The following PDE7B variants were observed in gnomAD, a reference collection of about 807,000 sequenced individuals.
PDE7B encodes 3',5'-cyclic-AMP phosphodiesterase 7B.
PDE7B carries 29 observed loss-of-function variants against 56.2 expected under a neutral mutation model. The ratio of observed to expected loss-of-function variants is 0.52; its 90% CI spans 0.38 to 0.70. The LOEUF (loss-of-function observed/expected upper bound fraction) is 0.70. Ranked by LOEUF, PDE7B falls within the 30% of genes least tolerant of loss-of-function variation. The pLI, the probability that PDE7B is intolerant of heterozygous loss-of-function variation, is 0.00. For synonymous variants in PDE7B, 197 were observed against 196.9 expected, an observed-to-expected ratio of 1.00 and a Z score of 0.00; for missense variants, 490 against 565.0, an observed-to-expected ratio of 0.87 and a Z score of 1.35.
intron 2 of PDE7B, among the ~76,000 whole-genome samples, chr6:135,952,038 C>A (rs1486054258): frequency 6.6e-6 from 1 of 152,144 alleles, no homozygotes; most frequent in Non-Finnish European, 1.5e-5. Context: ...GAAGTTGCTT[C>A]ATCTCTCTAG....
chr6:135,930,297 A>T (rs533650102), intron 1 of PDE7B, among the ~76,000 whole-genome samples: 1 of 152,132 alleles, frequency 6.6e-6, no homozygotes. Context: ...TGATTCAGTT[A>T]TCTCCCACTG....
chr6:135,859,517 T>A (rs747488125), intron 1 of PDE7B, among the ~76,000 whole-genome samples: 4 of 152,114 alleles, frequency 2.6e-5, no homozygotes, highest in Admixed American at 6.5e-5. Flanking sequence ...CAGTTTGGAA[T>A]GACAAAGACT....
In PDE7B at chr6:136,183,464, C is replaced by T. The variant is rs948911525; in HGVS notation, c.1045+2141C>T. ...AAAAAAAATTAGCCGGGCATGGTGG[C>T]GGGCACCTGTAGTCCCAGTTACTTG... On this transcript the variant is annotated intron_variant, in intron 11 of 12. Coordinates refer to ENST00000308191, the MANE Select transcript of PDE7B (RefSeq NM_018945.4). Among the ~76,000 whole-genome samples, 11 of 151,518 alleles carry T rather than the reference C, an allele frequency of 7.3e-5. No individual in the cohort carries two copies. In the East Asian group the frequency reaches 1.6e-3, roughly 22 times the overall value.
At chr6:136,011,627 G>A (rs1775896705) in intron 2 of PDE7B, among the ~76,000 whole-genome samples, 1 of 152,090 alleles carries the variant, frequency 6.6e-6, no homozygotes, top group African/African-American at 2.4e-5. Flanking sequence ...CTAACCAGAG[G>A]TTTAATGTGG....
At chr6:135,911,842 TATA>T (rs1192502513) in intron 1 of PDE7B, among the ~76,000 whole-genome samples, 1 of 152,228 alleles carries the variant, frequency 6.6e-6, no homozygotes, top group African/African-American at 2.4e-5. Context: ...TGAAAAATTG[TATA>T]ATATTTTTGA....
intron 2 of PDE7B, among the ~76,000 whole-genome samples, chr6:135,974,458 T>A (rs965583570): frequency 6.6e-6 from 1 of 152,122 alleles, no homozygotes; most frequent in African/African-American, 2.4e-5. Context: ...CCAATTACAG[T>A]AGAAAATTTT....
chr6:136,104,456 C>T (rs1235460416), intron 2 of PDE7B, among the ~76,000 whole-genome samples: 2 of 152,166 alleles, frequency 1.3e-5, no homozygotes, highest in Admixed American at 6.5e-5. Flanking sequence ...GGCAGGACAC[C>T]GCTTGTTCTG....
At chr6:135,887,886 A>T (rs1775737268) in intron 1 of PDE7B, among the ~76,000 whole-genome samples, 1 of 152,130 alleles carries the variant, frequency 6.6e-6, no homozygotes, top group African/African-American at 2.4e-5. Context: ...CTTTCAGCCC[A>T]ATGTTTAGAT....
intron 6 of PDE7B, among the ~76,000 whole-genome samples, chr6:136,152,281 C>A (rs919331201): frequency 6.6e-6 from 1 of 152,184 alleles, no homozygotes; most frequent in East Asian, 1.9e-4. Flanking sequence ...GCAGCATGCG[C>A]CTCAAATAAT....
intron 2 of PDE7B, among the ~76,000 whole-genome samples, chr6:136,074,934 A>G (rs951904349): frequency 6.6e-6 from 1 of 152,194 alleles, no homozygotes; most frequent in African/African-American, 2.4e-5. Flanking sequence ...TTTCTTCTGA[A>G]TATATACCTA....
At chr6:136,172,258 T>C (rs886328760) in intron 8 of PDE7B, among the ~76,000 whole-genome samples, 3 of 152,178 alleles carry the variant, frequency 2.0e-5, no homozygotes, top group Non-Finnish European at 4.4e-5. Context: ...CCACCAACAG[T>C]GTAAAAGTGT....
At chr6:136,112,547 C>T (rs1777766413) in intron 3 of PDE7B, 1 of 151,988 alleles carries the variant, frequency 6.6e-6, no homozygotes, top group African/African-American at 2.4e-5. Flanking sequence ...TTTTTTTAAA[C>T]AGATTTAAGA....
intron 2 of PDE7B, among the ~76,000 whole-genome samples, chr6:136,002,815 A>T (rs985498831): frequency 1.3e-5 from 2 of 152,072 alleles, no homozygotes; most frequent in Non-Finnish European, 2.9e-5. Context: ...CAACAAGGAT[A>T]CCCAGGAATT....
At chr6:135,877,899 G>T (rs1027544785) in intron 1 of PDE7B, among the ~76,000 whole-genome samples, 1 of 152,098 alleles carries the variant, frequency 6.6e-6, no homozygotes, top group Non-Finnish European at 1.5e-5. Flanking sequence ...AGGGCTGAAG[G>T]AGCTCGTATA....
At chr6:135,888,500 A>G (rs1775751054) in intron 1 of PDE7B, among the ~76,000 whole-genome samples, 1 of 152,234 alleles carries the variant, frequency 6.6e-6, no homozygotes, top group African/African-American at 2.4e-5. Flanking sequence ...GTGCATGTAT[A>G]ACACCTTAGA....
At chr6:136,044,959 C>A (rs1158156033) in intron 2 of PDE7B, 2 of 150,934 alleles carry the variant, frequency 1.3e-5, no homozygotes, top group African/African-American at 4.9e-5. Flanking sequence ...TTAAACAAGG[C>A]TGGTTCAACT....
intron 1 of PDE7B, among the ~76,000 whole-genome samples, chr6:135,908,647 C>A (rs1223014995): frequency 6.6e-6 from 1 of 151,994 alleles, no homozygotes; most frequent in Non-Finnish European, 1.5e-5. Flanking sequence ...ATACCACAGG[C>A]AAAATGAATA....
intron 2 of PDE7B, among the ~76,000 whole-genome samples, chr6:135,948,399 A>G (rs940117124): frequency 2.0e-5 from 3 of 151,984 alleles, no homozygotes; most frequent in African/African-American, 7.2e-5. Flanking sequence ...GCAAAGAAAA[A>G]AATTATTCAT....
intron 2 of PDE7B, among the ~76,000 whole-genome samples, chr6:135,969,371 T>C (rs1167004369): frequency 6.6e-6 from 1 of 152,184 alleles, no homozygotes; most frequent in South Asian, 2.1e-4. Context: ...TATTAAAATA[T>C]GCATTTTTCT....
Sources: allele counts gnomAD v4.1 joint callset (sites outside exome capture counted in the v4.1 genomes callset), GRCh38; gene constraint gnomAD v4.1.1; transcripts MANE v1.5; gene names NCBI Gene and HGNC (gene_info 2026-07-23, HGNC 2026-07-21).